The following TBCEL variants were observed in gnomAD, a reference collection of about 807,000 sequenced individuals.
The protein encoded by TBCEL is tubulin-specific chaperone cofactor E-like protein.
Under a neutral mutation model 44.2 loss-of-function variants are expected in TBCEL, and 15 were observed. That is an observed-to-expected ratio of 0.34 (90% CI 0.23 to 0.52). TBCEL has a LOEUF of 0.52. Ranked by LOEUF, TBCEL falls within the 20% of genes least tolerant of loss-of-function variation. TBCEL has a pLI of 0.95. For synonymous variants in TBCEL, 171 were observed against 185.4 expected (o/e 0.92, Z 0.63); for missense variants, 319 against 506.3 (o/e 0.63, Z 3.55).
chr11:121,053,555 G>A lies in TBCEL; in HGVS notation c.278G>A (p.Ser93Asn). 6.2e-7 allele frequency: 1 copy of A among 1,611,818 alleles called. No homozygotes were observed. Among genetic ancestry groups the A allele is most frequent in the Non-Finnish European group, 8.5e-7 (1 of 1,178,582 alleles). The change falls in exon 5 of 9, where the codon AGT becomes AAT. Residue 93 changes from serine (S) to asparagine (N), a missense_variant. Coordinates refer to ENST00000683345, the MANE Select transcript of TBCEL (RefSeq NM_001363644.2). ...CTTTTCTTTTTTTCTCCTTAGGTCA[G>A]TAAAATTGTGTCAAATGTTCCTCAG... ...DNKLEDWHEVSKIVSNVPQLE... is the reference protein window; with the variant it reads ...DNKLEDWHEVNKIVSNVPQLE...
At chr11:121,063,864 G>A (rs1945769538) in intron 8 of TBCEL, among the ~76,000 whole-genome samples, 2 of 152,092 alleles carry the variant, frequency 1.3e-5, no homozygotes, top group African/African-American at 2.4e-5. Flanking sequence ...CTTGTATTTG[G>A]TTTTAGTAGT....
intron 6 of TBCEL, among the ~76,000 whole-genome samples, chr11:121,058,039 T>C (rs1390299946): frequency 1.3e-5 from 2 of 151,860 alleles, no homozygotes. Context: ...TCCTGCTTAT[T>C]GATGAAACTA....
At chr11:121,055,585 T>A (rs1236212007) in intron 6 of TBCEL, among the ~76,000 whole-genome samples, 1 of 151,868 alleles carries the variant, frequency 6.6e-6, no homozygotes, top group Non-Finnish European at 1.5e-5. Flanking sequence ...ATGCACTGGA[T>A]ATTAAAAGAC....
At chr11:121,047,706 CA>C in intron 4 of TBCEL, 39 bp downstream of exon 4, 1 of 1,605,652 alleles carries the variant, frequency 6.2e-7, no homozygotes, top group Non-Finnish European at 8.5e-7. Flanking sequence ...TGAAAAGCAG[CA>C]ATAACCATTG....
chr11:121,062,429 A>G (rs1029866290), intron 8 of TBCEL, among the ~76,000 whole-genome samples: 1 of 152,180 alleles, frequency 6.6e-6, no homozygotes, highest in Non-Finnish European at 1.5e-5. Context: ...ACATTTATAC[A>G]GCAGTGTAGT....
rs765942291 is a variant in TBCEL, at chr11:121,087,126, A to C, written c.*30A>C. 6.3e-7 allele frequency: 1 copy of C among 1,577,398 alleles called. No individual in the cohort carries two copies. The highest frequency in any genetic ancestry group is 1.2e-5 in the South Asian group (1 of 85,426). On this transcript the variant is annotated 3_prime_UTR_variant, in exon 9 of 9. Coordinates refer to ENST00000683345, the MANE Select transcript of TBCEL (RefSeq NM_001363644.2). ...TACCAGCCTTGTGAAAAACATACAC[A>C]TAAGGACTTGTTGCAGGGCATTTGT...
chr11:121,080,617 C>T (rs918013446), intron 8 of TBCEL, among the ~76,000 whole-genome samples: 4 of 152,192 alleles, frequency 2.6e-5, no homozygotes, highest in South Asian at 4.2e-4. Flanking sequence ...TAGTTAGGAT[C>T]GTTTATAAGG....
intron 8 of TBCEL, among the ~76,000 whole-genome samples, chr11:121,082,954 T>C (rs1946152550): frequency 6.6e-6 from 1 of 152,232 alleles, no homozygotes; most frequent in Non-Finnish European, 1.5e-5. Flanking sequence ...TTGAACTGTG[T>C]GATCTAGTCA....
At chr11:121,058,883 G>C (rs1591400378) in intron 7 of TBCEL, among the ~76,000 whole-genome samples, 1 of 151,828 alleles carries the variant, frequency 6.6e-6, no homozygotes, top group Non-Finnish European at 1.5e-5. Flanking sequence ...ACTTAAGAGG[G>C]CAGCATCTGC....
At chr11:121,047,447 C>T in intron 3 of TBCEL, 81 bp from the exon 4 acceptor site, 2 of 1,533,930 alleles carry the variant, frequency 1.3e-6, no homozygotes, top group East Asian at 2.3e-5. Flanking sequence ...ATTTTTGTTT[C>T]TTGACACTTC....
intron 8 of TBCEL, among the ~76,000 whole-genome samples, chr11:121,081,551 T>G (rs1946125845): frequency 6.6e-6 from 1 of 152,224 alleles, no homozygotes; most frequent in African/African-American, 2.4e-5. Context: ...CTTCAGAGTA[T>G]ACTTCAGGAA....
chr11:121,074,832 T>C (rs1283755354), intron 8 of TBCEL, among the ~76,000 whole-genome samples: 1 of 152,030 alleles, frequency 6.6e-6, no homozygotes, highest in Non-Finnish European at 1.5e-5. Context: ...GTATGTAGTC[T>C]CTTTTTAATT....
intron 8 of TBCEL, among the ~76,000 whole-genome samples, chr11:121,082,114 CT>C (rs1344915206): frequency 6.6e-6 from 1 of 152,220 alleles, no homozygotes; most frequent in African/African-American, 2.4e-5. Flanking sequence ...TTTTCTATTG[CT>C]GCTATAACAC....
intron 1 of TBCEL, among the ~76,000 whole-genome samples, chr11:121,026,323 T>C (rs1945045894): frequency 6.6e-6 from 1 of 152,232 alleles, no homozygotes; most frequent in Non-Finnish European, 1.5e-5. Flanking sequence ...TAATGACTGT[T>C]GGTGAACAAA....
At chr11:121,071,111 A>G (rs1236489870) in intron 8 of TBCEL, among the ~76,000 whole-genome samples, 1 of 152,162 alleles carries the variant, frequency 6.6e-6, no homozygotes, top group Non-Finnish European at 1.5e-5. Flanking sequence ...CACATAGTCA[A>G]GTGTACATGT....
chr11:121,061,595 C>T (rs1360627023), intron 8 of TBCEL, among the ~76,000 whole-genome samples: 1 of 152,036 alleles, frequency 6.6e-6, no homozygotes, highest in African/African-American at 2.4e-5. Context: ...GGCTATAAAC[C>T]TGTACAGCAT....
chr11:121,045,608 A>G, intron 2 of TBCEL, 66 bp from the exon 3 acceptor site: 1 of 1,371,498 alleles, frequency 7.3e-7, no homozygotes, highest in Non-Finnish European at 9.9e-7. Flanking sequence ...ATGGGTTTTC[A>G]ATAAATACTT....
rs188254100 is a variant in TBCEL, at chr11:121,044,485, T to C, written c.-17-1189T>C. 1.5e-4 allele frequency among the ~76,000 whole-genome samples: 23 copies of C among 152,254 alleles called. No homozygotes were observed. The East Asian group carries it at 4.3e-3, about 28-fold the overall frequency. On this transcript the variant is annotated intron_variant, in intron 2 of 8. Coordinates refer to ENST00000683345, the MANE Select transcript of TBCEL (RefSeq NM_001363644.2). ...TTACTCATATATACCATAATACATT[T>C]TGACTACAGTTCCTTTTCTTATGAT...
At chr11:121,053,817 A>T in intron 5 of TBCEL, 85 bp downstream of exon 5, 1 of 1,404,688 alleles carries the variant, frequency 7.1e-7, no homozygotes, top group South Asian at 1.4e-5. Flanking sequence ...CCACGCAAGA[A>T]ATACTAGAAC....
Sources: gnomAD v4.1 joint callset for allele counts (sites outside exome capture counted in the v4.1 genomes callset) on GRCh38, gnomAD v4.1.1 for gene constraint, MANE v1.5 for transcripts, NCBI Gene and HGNC (gene_info 2026-07-23, HGNC 2026-07-21) for gene names.